Variants in FRMPD1 observed in about 807,000 individuals in gnomAD.
FRMPD1 encodes FERM and PDZ domain-containing protein 1.
Under a neutral mutation model 117.8 loss-of-function variants are expected in FRMPD1, and 76 were observed. That is an observed-to-expected ratio of 0.65 (90% CI 0.54 to 0.78). FRMPD1 has a LOEUF of 0.78. FRMPD1 is among the 30% of genes least tolerant of loss of function. The pLI is 0.00. For missense variants in FRMPD1, 1,786 were observed against 1,964.5 expected (o/e 0.91, Z 1.72); for synonymous variants, 783 against 770.4 (o/e 1.02, Z -0.27).
At chr9:37,621,318 C>G in the FRMPD1 span, among the ~76,000 whole-genome samples, 1 of 152,134 alleles carries the variant, frequency 6.6e-6, no homozygotes, top group Non-Finnish European at 1.5e-5. Context: ...AGTAATGGGA[C>G]AGACCACCCA....
chr9:37,604,281 A>G, the FRMPD1 span, among the ~76,000 whole-genome samples: 1 of 152,172 alleles, frequency 6.6e-6, no homozygotes, highest in South Asian at 2.1e-4. Flanking sequence ...ATATTAAAGA[A>G]AAGTGTCTAT....
the FRMPD1 span, among the ~76,000 whole-genome samples, chr9:37,634,967 T>C: frequency 2.3e-4 from 35 of 152,212 alleles, no homozygotes; most frequent in South Asian, 5.4e-3. Flanking sequence ...TTTTAAAGTA[T>C]GAAAGTATCT....
At chr9:37,698,080 C>G (rs986665855) in intron 2 of FRMPD1, among the ~76,000 whole-genome samples, 1 of 152,212 alleles carries the variant, frequency 6.6e-6, no homozygotes, top group Admixed American at 6.5e-5. Flanking sequence ...TGCCACTGCA[C>G]TCCAGCCTGG....
chr9:37,647,699 A>T (rs1824167831), upstream of FRMPD1, among the ~76,000 whole-genome samples: 1 of 152,166 alleles, frequency 6.6e-6, no homozygotes, highest in Non-Finnish European at 1.5e-5. Flanking sequence ...GTGTAAACAA[A>T]TCATTGTAAT....
At chr9:37,643,514 T>C in the FRMPD1 span, among the ~76,000 whole-genome samples, 1 of 152,234 alleles carries the variant, frequency 6.6e-6, no homozygotes, top group Non-Finnish European at 1.5e-5. Flanking sequence ...AAATTGTGTA[T>C]TTAACTTTCA....
intron 1 of FRMPD1, among the ~76,000 whole-genome samples, chr9:37,667,640 T>C (rs1821206615): frequency 6.7e-6 from 1 of 149,756 alleles, no homozygotes; most frequent in Non-Finnish European, 1.5e-5. Flanking sequence ...GACGAGATCG[T>C]GCCACTGCAC....
chr9:37,637,444 G>C, the FRMPD1 span, among the ~76,000 whole-genome samples: 2 of 152,100 alleles, frequency 1.3e-5, no homozygotes, highest in Non-Finnish European at 2.9e-5. Flanking sequence ...AGTTCTGTGA[G>C]TTTTGATAAA....
intron 4 of FRMPD1, among the ~76,000 whole-genome samples, chr9:37,710,959 CAAA>C (rs33962036): frequency 7.1e-4 from 76 of 106,920 alleles, no homozygotes; most frequent in South Asian, 8.8e-4. Context: ...CTCTGTCTCA[CAAA>C]AAAAAAAAAA....
intron 9 of FRMPD1, 143 bp from the exon 10 acceptor site, chr9:37,732,161 C>T (rs1315542382): frequency 2.6e-6 from 2 of 773,684 alleles, no homozygotes; most frequent in African/African-American, 3.5e-5. Context: ...GTCTTGGTAA[C>T]TTAACCAAGG....
the FRMPD1 span, among the ~76,000 whole-genome samples, chr9:37,637,963 G>GCTTTTTTTTCTTTCTTTCTTT: frequency 7.0e-5 from 7 of 100,130 alleles, 3 homozygotes; most frequent in East Asian, 9.9e-4. Context: ...AATGGTGTAT[G>GCTTTTTTTTCTTTCTTTCTTT]CTTTCTTTCT....
At chr9:37,700,857 G>A (rs1822505559) in intron 2 of FRMPD1, among the ~76,000 whole-genome samples, 1 of 152,172 alleles carries the variant, frequency 6.6e-6, no homozygotes, top group Admixed American at 6.5e-5. Context: ...GGTTTGAAAC[G>A]ATTACAAAGG....
chr9:37,626,028 A>T, the FRMPD1 span, among the ~76,000 whole-genome samples: 4 of 152,196 alleles, frequency 2.6e-5, no homozygotes, highest in African/African-American at 9.7e-5. Flanking sequence ...CCCCGTATCT[A>T]TTAAAAATAC....
chr9:37,736,878 TATGTGTGC>T (rs1367933478), intron 13 of FRMPD1, among the ~76,000 whole-genome samples: 70 of 137,948 alleles, frequency 5.1e-4, no homozygotes, highest in African/African-American at 1.8e-3. Context: ...TGTGTGTGTG[TATGTGTGC>T]GCACACACAC....
chr9:37,732,360 A>C lies in FRMPD1; in HGVS notation c.915A>C (p.Ala305=). The C allele has an allele frequency of 6.2e-7, 1 of 1,613,834 alleles. No individual in the cohort carries two copies. Among genetic ancestry groups the C allele is most frequent in the Non-Finnish European group, 8.5e-7 (1 of 1,179,958 alleles). ...CTGTAGAAATGAAATGTAGCTCTGC[A>C]CTCCGACTCGCGGCTCTGCACATCC... ...RFAVEMKCSS[A]LRLAALHIQE... Residue 305 remains alanine, a synonymous_variant, in exon 10 of 16, where the codon GCA becomes GCC. Transcript: ENST00000377765.
the FRMPD1 span, among the ~76,000 whole-genome samples, chr9:37,631,554 C>A: frequency 6.6e-6 from 1 of 152,218 alleles, no homozygotes; most frequent in Non-Finnish European, 1.5e-5. Context: ...ATATTGGAGT[C>A]ACTGAACAAT....
At chr9:37,728,028 T>A (rs575061798) in intron 7 of FRMPD1, 1 of 152,290 alleles carries the variant, frequency 6.6e-6, no homozygotes, top group East Asian at 1.9e-4. Context: ...GAGTTTAACA[T>A]CTAGTGGGGT....
chr9:37,668,964 GTGA>G (rs1821257252), intron 1 of FRMPD1, among the ~76,000 whole-genome samples: 2 of 152,210 alleles, frequency 1.3e-5, no homozygotes, highest in African/African-American at 2.4e-5. Context: ...ATCATAGGAT[GTGA>G]GACCCCAGGC....
In FRMPD1 at chr9:37,740,702, G is replaced by A. The variant is rs1029754315; in HGVS notation, c.2174G>A (p.Ser725Asn). 3 of 1,614,144 alleles carry A rather than the reference G, an allele frequency of 1.9e-6. No individual in the cohort carries two copies. The highest frequency in any genetic ancestry group is 2.7e-5 in the African/African-American group (2 of 75,070). Reference protein sequence around the residue: ...PASYLSDSSESTASRQGGAPP... With the variant: ...PASYLSDSSENTASRQGGAPP... ...AGCTACCTGAGTGACAGTTCCGAGA[G>A]TACAGCTTCCCGGCAAGGGGGAGCC... The change falls in exon 15 of 16, where the codon AGT becomes AAT. Residue 725 changes from serine to asparagine, a missense_variant. Coordinates refer to ENST00000377765, the MANE Select transcript of FRMPD1 (RefSeq NM_014907.3). The surrounding 1 kb of genome is among the most constrained non-coding windows in gnomAD (Gnocchi z 4.2).
Position 37,707,433 on chromosome 9 carries a change from C to G in FRMPD1, c.119C>G (p.Ala40Gly). 6.2e-7 allele frequency: 1 copy of G among 1,613,760 alleles called. No individual in the cohort carries two copies. Among genetic ancestry groups the G allele is most frequent in the Non-Finnish European group, 8.5e-7 (1 of 1,179,878 alleles). Reference sequence around the variant, plus strand: ...TCTTCCAGGGCTAAAGTTGCTGCAGCTGATGGGCCCGCCAGGAACCCAACT... The same window carrying G: ...TCTTCCAGGGCTAAAGTTGCTGCAGGTGATGGGCCCGCCAGGAACCCAACT... ...DSSARAKVAAADGPARNPTQT... is the reference protein window; with the variant it reads ...DSSARAKVAAGDGPARNPTQT... Residue 40 changes from alanine to glycine, a missense_variant, in exon 3 of 16, where the codon GCT becomes GGT. By Grantham distance (60) the Ala-to-Gly change is moderately conservative. Coordinates refer to ENST00000377765, the MANE Select transcript of FRMPD1 (RefSeq NM_014907.3).
Sources: gnomAD v4.1 joint callset for allele counts (sites outside exome capture counted in the v4.1 genomes callset) on GRCh38, gnomAD v4.1.1 for gene constraint, Gnocchi (gnomAD v3.1) non-coding constraint, MANE v1.5 for transcripts, NCBI Gene and HGNC (gene_info 2026-07-23, HGNC 2026-07-21) for gene names.